The following PCID2 variants were observed in gnomAD, a reference collection of about 807,000 sequenced individuals.
PCID2 encodes PCI domain containing 2.
In PCID2, 41 loss-of-function variants were observed where a neutral mutation model predicts 61.3. The observed-to-expected ratio is 0.67, with a 90% CI of 0.52 to 0.87. The LOEUF is 0.87. Among genes scored for constraint, PCID2 ranks in the 40% least tolerant of loss-of-function variants. The pLI, the probability that PCID2 is intolerant of heterozygous loss-of-function variation, is 0.00. For missense variants in PCID2, 392 were observed against 493.4 expected, an observed-to-expected ratio of 0.79 and a Z score of 1.95; for synonymous variants, 187 against 177.8, an observed-to-expected ratio of 1.05 and a Z score of -0.41.
chr13:113,179,112 C>A lies in PCID2; in HGVS notation c.987-23G>T. 6.2e-7 allele frequency: 1 copy of A among 1,608,228 alleles called. No individual in the cohort carries two copies. The highest frequency in any genetic ancestry group is 8.5e-7 in the Non-Finnish European group (1 of 1,177,046). The stretch of plus-strand genomic sequence containing the variant: ...TACCTGGAAGAGGGGAGGAGAAGGG[C>A]ACTGTGGTTACCGACAGGATGCAAT... On this transcript the variant is annotated intron_variant, in intron 12 of 13. Coordinates refer to ENST00000337344, the MANE Select transcript of PCID2 (RefSeq NM_001127202.4). This position sits in a 1 kb window ranked among gnomAD's most constrained non-coding sequence, Gnocchi z 4.3.
chr13:113,176,193 T>C (rs906561021), downstream of PCID2, among the ~76,000 whole-genome samples: 4 of 152,262 alleles, frequency 2.6e-5, no homozygotes, highest in South Asian at 4.1e-4. Flanking sequence ...CTTTGTAGAA[T>C]AGCCTCTCCT....
intron 1 of PCID2, chr13:113,207,981 TC>T (rs747158858): frequency 6.5e-7 from 1 of 1,545,210 alleles, no homozygotes; most frequent in Admixed American, 1.7e-5. Context: ...ATGCGTTGAA[TC>T]TTTACAAGTG....
chr13:113,181,279 A>G (rs751433964), intron 9 of PCID2, 49 bp from the exon 10 acceptor site: 3 of 1,158,592 alleles, frequency 2.6e-6, no homozygotes, highest in South Asian at 2.4e-5. Flanking sequence ...CACCTGCTTC[A>G]GGCCCCTTCC....
the PCID2 span, chr13:113,165,290 G>A: frequency 2.3e-5 from 16 of 709,764 alleles, no homozygotes; most frequent in Middle Eastern, 3.6e-4. Flanking sequence ...TTCTAATGCC[G>A]AGTTCATAAC....
In PCID2 at chr13:113,187,718, T is replaced by C. The variant is rs1489363035; in HGVS notation, c.468-2158A>G. The C allele has an allele frequency of 3.3e-5, 5 of 152,356 alleles. No individual in the cohort carries two copies. In the East Asian group the frequency reaches 7.7e-4, roughly 23 times the overall value. The allele number at this position is 152,356 out of a possible 1,614,324, so 9.4% of individuals were successfully genotyped here. A position where few individuals can be genotyped will look rare whatever the true frequency, so the allele number is the denominator to read the frequency against. On this transcript the variant is annotated intron_variant, in intron 7 of 13. Transcript: ENST00000337344. ...ATTGGATTGTCTTTTTACTGTTGAA[T>C]TGTAATAATTCTTTATATATTCTGG...
At position 113,208,612 on chromosome 13, in the gene PCID2, T is replaced by A. The variant is rs762729429; in HGVS notation, c.23A>T (p.Gln8Leu). Reference protein sequence around the residue: MAHITINQYLQQVYEAID... With the variant: MAHITINLYLQQVYEAID... ...GCTAGGACCCACCTGCTGCAGGTACTGGTTAATGGTAATGTGCGCCATGGG... is the reference window on the plus strand; with the variant it reads ...GCTAGGACCCACCTGCTGCAGGTACAGGTTAATGGTAATGTGCGCCATGGG... Residue 8 changes from glutamine to leucine, a missense_variant, in exon 1 of 14, where the codon CAG becomes CTG. Gln to Leu is a moderately radical substitution (Grantham distance 113). Around this residue, in one of 3 missense-constraint regions of PCID2, gnomAD observed 155 missense variants for 164.9 expected, o/e 0.94. Transcript: ENST00000337344. The A allele has an allele frequency of 1.2e-6, 2 of 1,607,500 alleles. No homozygotes were observed. Among genetic ancestry groups the A allele is most frequent in the Non-Finnish European group, 1.7e-6 (2 of 1,177,584 alleles).
intron 7 of PCID2, chr13:113,187,522 T>C (rs752727358): frequency 6.6e-6 from 1 of 152,232 alleles, no homozygotes; most frequent in Non-Finnish European, 1.5e-5. Flanking sequence ...GGGTGTGGCC[T>C]GGCAGCTCTC....
intron 13 of PCID2, 88 bp from the exon 14 acceptor site, chr13:113,178,375 G>T: frequency 1.1e-6 from 1 of 943,050 alleles, no homozygotes; most frequent in Non-Finnish European, 1.7e-6. Flanking sequence ...TTTGGCATTA[G>T]CATTCTTCCC....
At chr13:113,205,752 C>T (rs955381833) in intron 1 of PCID2, among the ~76,000 whole-genome samples, 1 of 152,206 alleles carries the variant, frequency 6.6e-6, no homozygotes, top group Non-Finnish European at 1.5e-5. Flanking sequence ...ACTGAAATCA[C>T]CAGAGTCAGC....
chr13:113,177,320 A>T (rs564596237), downstream of PCID2, among the ~76,000 whole-genome samples: 1 of 152,064 alleles, frequency 6.6e-6, no homozygotes, highest in African/African-American at 2.4e-5. Flanking sequence ...TATTTTTAGT[A>T]GAGACGGGGT....
the PCID2 span, among the ~76,000 whole-genome samples, chr13:113,170,733 TA>T: frequency 6.6e-6 from 1 of 152,072 alleles, no homozygotes; most frequent in South Asian, 2.1e-4. Context: ...AGGCAAGTGC[TA>T]ACTCACACTC....
chr13:113,167,166 G>A, the PCID2 span, among the ~76,000 whole-genome samples: 3 of 152,180 alleles, frequency 2.0e-5, no homozygotes, highest in East Asian at 5.8e-4. Flanking sequence ...ACATCCTAGG[G>A]AAGAAGTATC....
chr13:113,185,553 C>T lies in PCID2; in HGVS notation c.475G>A (p.Gly159Ser). The stretch of plus-strand genomic sequence containing the variant: ...CCCCACTTCTTAGAGTCCTCTATAC[C>T]AGCACGGCTATGGGGAAATAATTTT... Reference protein sequence around the residue: ...FRVCASDTRAGIEDSKKWGML... With the variant: ...FRVCASDTRASIEDSKKWGML... Residue 159 changes from glycine to serine, a missense_variant, in exon 8 of 14, where the codon GGT (glycine) becomes AGT (serine). By Grantham distance (56) the Gly-to-Ser change is moderately conservative (BLOSUM62 0). Coordinates refer to ENST00000337344, the MANE Select transcript of PCID2 (RefSeq NM_001127202.4). 1 of 1,607,386 alleles carries T rather than the reference C, an allele frequency of 6.2e-7. No homozygotes were observed. The highest frequency in any genetic ancestry group is 1.3e-5 in the African/African-American group (1 of 74,900).
intron 1 of PCID2, among the ~76,000 whole-genome samples, chr13:113,205,335 C>A (rs753646662): frequency 6.6e-6 from 1 of 152,120 alleles, no homozygotes; most frequent in South Asian, 2.1e-4. Flanking sequence ...CACTCCGCAC[C>A]CAGCAGGATG....
chr13:113,187,717 A>G (rs2038241100), intron 7 of PCID2: 1 of 152,212 alleles, frequency 6.6e-6, no homozygotes, highest in African/African-American at 2.4e-5. Flanking sequence ...TTACTGTTGA[A>G]TTGTAATAAT....
At chr13:113,201,557 A>G (rs921218917) in intron 1 of PCID2, among the ~76,000 whole-genome samples, 1 of 152,154 alleles carries the variant, frequency 6.6e-6, no homozygotes, top group Non-Finnish European at 1.5e-5. Context: ...CACGCCTGTA[A>G]TCCCAGCACT....
At chr13:113,208,285 C>A in intron 1 of PCID2, 3 of 1,433,968 alleles carry the variant, frequency 2.1e-6, no homozygotes, top group Non-Finnish European at 2.7e-6. Context: ...CTTCGGACCG[C>A]CTGGGAGCGC....
chr13:113,208,130 G>T, intron 1 of PCID2: 1 of 1,607,334 alleles, frequency 6.2e-7, no homozygotes. Context: ...AGGGGCACGA[G>T]CCCGGCCTGC....
At chr13:113,193,556 T>C (rs2038779413) in intron 6 of PCID2, among the ~76,000 whole-genome samples, 1 of 152,214 alleles carries the variant, frequency 6.6e-6, no homozygotes. Context: ...TTTGGAAATA[T>C]AGTTATTTTT....
Sources: gnomAD v4.1 joint callset for allele counts (sites outside exome capture counted in the v4.1 genomes callset) on GRCh38, gnomAD v4.1.1 for gene constraint, gnomAD v4.1.1 regional missense constraint, Gnocchi (gnomAD v3.1) non-coding constraint, MANE v1.5 for transcripts, NCBI Gene and HGNC (gene_info 2026-07-23, HGNC 2026-07-21) for gene names.